The following RMDN1 variants were observed in gnomAD, a reference collection of about 807,000 sequenced individuals.
RMDN1 encodes regulator of microtubule dynamics protein 1.
In RMDN1, 48 loss-of-function variants were observed where a neutral mutation model predicts 48.9. That is an observed-to-expected ratio of 0.98 (90% CI 0.78 to 1.25). The LOEUF is 1.25. Among genes scored for constraint, RMDN1 ranks in the 50% most tolerant of loss-of-function variants. The probability of loss-of-function intolerance (pLI) is 0.00; values close to 1 mark genes in which losing one functional copy is unlikely to be tolerated. For synonymous variants in RMDN1, 148 were observed against 132.6 expected, an observed-to-expected ratio of 1.12 and a Z score of -0.80; for missense variants, 418 against 373.4, an observed-to-expected ratio of 1.12 and a Z score of -0.98.
chr8:86,471,268 C>T (rs1205001126), downstream of RMDN1, among the ~76,000 whole-genome samples: 1 of 150,344 alleles, frequency 6.7e-6, no homozygotes, highest in Non-Finnish European at 1.5e-5. Flanking sequence ...TTGAATGATA[C>T]CTGATCTCAC....
At chr8:86,503,551 A>G (rs188891808) in intron 2 of RMDN1, 2 of 315,998 alleles carry the variant, frequency 6.3e-6, no homozygotes, top group Non-Finnish European at 1.3e-5. Flanking sequence ...TTTATTGAAG[A>G]CTTGAAAAGA....
At chr8:86,481,738 G>T in intron 5 of RMDN1, 1 of 744,614 alleles carries the variant, frequency 1.3e-6, no homozygotes, top group South Asian at 3.5e-5. Flanking sequence ...TGCTTTCTTT[G>T]GTAATTCCTA....
chr8:86,511,485 A>G (rs983507880), upstream of RMDN1, among the ~76,000 whole-genome samples: 6 of 151,506 alleles, frequency 4.0e-5, no homozygotes, highest in African/African-American at 1.5e-4. Flanking sequence ...AGAAAAAAAA[A>G]AGAGAGAGAA....
intron 5 of RMDN1, among the ~76,000 whole-genome samples, chr8:86,481,091 G>C (rs576958256): frequency 5.3e-5 from 8 of 152,050 alleles, no homozygotes; most frequent in Non-Finnish European, 8.8e-5. Context: ...AAAAAATTAA[G>C]ATTTCCTAGT....
rs527328668 is a variant in RMDN1, at chr8:86,474,708, T to G, written c.894+112A>C. 38 of 1,000,670 alleles carry G rather than the reference T, an allele frequency of 3.8e-5. No homozygotes were observed. In the South Asian group the frequency reaches 4.9e-4, roughly 13 times the overall value. 62.0% of individuals were successfully genotyped at this position (1,000,670 alleles called of 1,614,324 possible). A position where few individuals can be genotyped will look rare whatever the true frequency, so the allele number is the denominator to read the frequency against. On this transcript the variant is annotated intron_variant, in intron 9 of 9. Transcript: ENST00000406452. The stretch of plus-strand genomic sequence containing the variant: ...AATTTACACTTGAAATGAACACACT[T>G]GTTTTCAACAATATTATGCATTTAG...
chr8:86,490,171 G>A (rs1466229485), intron 2 of RMDN1, among the ~76,000 whole-genome samples: 2 of 152,136 alleles, frequency 1.3e-5, no homozygotes, highest in Non-Finnish European at 2.9e-5. Flanking sequence ...CAAAGGATAA[G>A]GAGTAGTCTT....
upstream of RMDN1, among the ~76,000 whole-genome samples, chr8:86,511,826 A>G (rs1228426010): frequency 6.9e-6 from 1 of 145,112 alleles, no homozygotes; most frequent in Non-Finnish European, 1.5e-5. Flanking sequence ...CAAAAAAAAA[A>G]AAAGAAAAAG....
chr8:86,468,855 C>T (rs1563564757), downstream of RMDN1: 1 of 385,078 alleles, frequency 2.6e-6, no homozygotes, highest in Non-Finnish European at 5.1e-6. Flanking sequence ...ATATGGTCCC[C>T]CACTCACCTT....
chr8:86,470,478 G>A (rs1332563613), downstream of RMDN1: 1 of 1,186,404 alleles, frequency 8.4e-7, no homozygotes, highest in Non-Finnish European at 1.1e-6. Flanking sequence ...ATGTCTTGCA[G>A]AAGAAACCTA....
Position 86,484,980 on chromosome 8 carries a change from G to T in RMDN1, c.496-19C>A, listed in dbSNP as rs778685733. ...CATACCACTGAAAATTTAAAAAAGT[G>T]TAAGAACAATAATATTCTTAATATT... On this transcript the variant is annotated intron_variant, in intron 4 of 9. Transcript: ENST00000406452. 8.0e-6 allele frequency: 11 copies of T among 1,368,002 alleles called. No homozygotes were observed. In the South Asian group the frequency reaches 9.9e-5, roughly 12 times the overall value. The allele number at this position is 1,368,002 out of a possible 1,614,324, so 84.7% of individuals were successfully genotyped here. A position where few individuals can be genotyped will look rare whatever the true frequency, so the allele number is the denominator to read the frequency against.
rs2130556653 is a variant in RMDN1 at position 86,477,332 on chromosome 8, A to G, written c.730-8T>C. 1 of 1,584,848 alleles carries G rather than the reference A, an allele frequency of 6.3e-7. No homozygotes were observed. Among genetic ancestry groups the G allele is most frequent in the Non-Finnish European group, 8.6e-7 (1 of 1,168,474 alleles). ...GTGAAAGTAGCCTAAGGCCTGTCAA[A>G]AACACAAAGAGCCCAAACATAATAA... On this transcript the variant is annotated splice_polypyrimidine_tract_variant and splice_region_variant and intron_variant, in intron 7 of 9. Transcript: ENST00000406452.
chr8:86,479,881 TAGAA>T (rs1459300457), intron 6 of RMDN1, among the ~76,000 whole-genome samples: 5 of 152,022 alleles, frequency 3.3e-5, no homozygotes, highest in Non-Finnish European at 5.9e-5. Context: ...CACATAAAAA[TAGAA>T]AGATACTGAA....
rs1172300061 is a variant in RMDN1, at chr8:86,505,190, C to T, written c.247+1805G>A. The T allele has an allele frequency of 5.7e-6, 5 of 880,544 alleles. No individual in the cohort carries two copies. In the South Asian group the frequency reaches 6.0e-5, roughly 11 times the overall value. The allele number at this position is 880,544 out of a possible 1,614,324, so 54.5% of individuals were successfully genotyped here. A position where few individuals can be genotyped will look rare whatever the true frequency, so the allele number is the denominator to read the frequency against. ...GCTACTTGATTCCTTTCTTATCCCA[C>T]GCACTCCATGCGCACCTCAAGGCTG... On this transcript the variant is annotated intron_variant, in intron 2 of 9. Coordinates refer to ENST00000406452, the MANE Select transcript of RMDN1 (RefSeq NM_016033.3).
chr8:86,482,113 C>A, intron 5 of RMDN1: 1 of 564,856 alleles, frequency 1.8e-6, no homozygotes. Context: ...TGAAAGGAGG[C>A]TCTGTAGGCC....
chr8:86,507,977 C>A (rs1819659755), intron 1 of RMDN1: 1 of 152,562 alleles, frequency 6.6e-6, no homozygotes, highest in Non-Finnish European at 1.5e-5. Context: ...AATACCAGAA[C>A]TGAGACTACA....
upstream of RMDN1, among the ~76,000 whole-genome samples, chr8:86,513,651 C>G (rs118059507): frequency 1.6e-3 from 240 of 152,290 alleles, no homozygotes; most frequent in Non-Finnish European, 2.6e-3. Flanking sequence ...TTCCAAATCT[C>G]ATGTTACTCA....
rs148201605 is a variant in RMDN1 at position 86,474,122 on chromosome 8, C to T, written c.*186G>A. 5.2e-6 allele frequency: 7 copies of T among 1,341,288 alleles called. No individual in the cohort carries two copies. Among genetic ancestry groups the T allele is most frequent in the Non-Finnish European group, 6.7e-6 (7 of 1,047,838 alleles). The allele number at this position is 1,341,288 out of a possible 1,614,324, so 83.1% of individuals were successfully genotyped here. On this transcript the variant is annotated 3_prime_UTR_variant, in exon 10 of 10. Coordinates refer to ENST00000406452, the MANE Select transcript of RMDN1 (RefSeq NM_016033.3). ...GAGCCATGGAGATTTATTTCTACCA[C>T]TCTTATGGCGATTATTTATTTTACC...
intron 5 of RMDN1, chr8:86,482,869 C>G: frequency 8.7e-7 from 1 of 1,145,438 alleles, no homozygotes. Context: ...ATACAGAAGG[C>G]CCTGGGGTCC....
intron 3 of RMDN1, among the ~76,000 whole-genome samples, chr8:86,488,000 G>T (rs1815780224): frequency 6.6e-6 from 1 of 152,026 alleles, no homozygotes; most frequent in African/African-American, 2.4e-5. Context: ...ACTTCATAGG[G>T]TTGAGTCTTT....
Sources: gnomAD v4.1 joint callset for allele counts (sites outside exome capture counted in the v4.1 genomes callset) on GRCh38, gnomAD v4.1.1 for gene constraint, MANE v1.5 for transcripts, NCBI Gene and HGNC (gene_info 2026-07-23, HGNC 2026-07-21) for gene names.